CCNY: variants seen among roughly 807,000 people sequenced by gnomAD.
CCNY encodes cyclin Y.
In CCNY, 19 loss-of-function variants were observed where a neutral mutation model predicts 42.8. The ratio of observed to expected loss-of-function variants is 0.44; its 90% CI spans 0.31 to 0.65. The LOEUF is 0.65. Among genes scored for constraint, CCNY ranks in the 30% least tolerant of loss-of-function variants. The probability of loss-of-function intolerance (pLI) is 0.07; values close to 1 mark genes in which losing one functional copy is unlikely to be tolerated. For missense variants in CCNY, 370 were observed against 437.3 expected (o/e 0.85, Z 1.37); for synonymous variants, 165 against 162.7 (o/e 1.01, Z -0.11).
rs547287322 is a variant in CCNY, at chr10:35,361,005, C to T, written c.154+23798C>T. On this transcript the variant is annotated intron_variant, in intron 1 of 9. Coordinates refer to ENST00000374704, the MANE Select transcript of CCNY (RefSeq NM_145012.6). ...CCTCATGAGTAGCTGAGATTACAGA[C>T]GCCCACCACCATGCCCAGCTAATTT... Among the ~76,000 whole-genome samples, 180 of 152,194 alleles carry T rather than the reference C, an allele frequency of 1.2e-3. 1 individual carries two copies. The highest frequency in any genetic ancestry group is 2.0e-3 in the Non-Finnish European group (135 of 68,010).
intron 3 of CCNY, among the ~76,000 whole-genome samples, chr10:35,292,404 C>T (rs1297491435): frequency 1.3e-5 from 2 of 152,188 alleles, no homozygotes; most frequent in African/African-American, 4.8e-5. Flanking sequence ...ACTCTTGTCG[C>T]CCAGGCTGGA....
chr10:35,372,290 G>A (rs1836954068), intron 1 of CCNY, among the ~76,000 whole-genome samples: 1 of 152,162 alleles, frequency 6.6e-6, no homozygotes, highest in African/African-American at 2.4e-5. Flanking sequence ...TTTTTCTGTC[G>A]ATTGGGAGAG....
intron 1 of CCNY, among the ~76,000 whole-genome samples, chr10:35,460,136 C>T (rs1306275827): frequency 6.6e-6 from 1 of 152,152 alleles, no homozygotes; most frequent in Admixed American, 6.5e-5. Flanking sequence ...TCAGGTAGAG[C>T]TCCCTGATAT....
At chr10:35,449,569 C>T (rs573726655) in intron 1 of CCNY, among the ~76,000 whole-genome samples, 4 of 146,344 alleles carry the variant, frequency 2.7e-5, no homozygotes, top group African/African-American at 7.5e-5. Flanking sequence ...AGCTGTAGTT[C>T]GGTTTTTGGA....
At chr10:35,476,048 A>G (rs1000156538) in intron 1 of CCNY, among the ~76,000 whole-genome samples, 1 of 152,256 alleles carries the variant, frequency 6.6e-6, no homozygotes, top group African/African-American at 2.4e-5. Flanking sequence ...AGGCCATTAC[A>G]TAATGGTAAA....
intron 1 of CCNY, among the ~76,000 whole-genome samples, chr10:35,350,548 GT>G (rs944055374): frequency 2.0e-5 from 3 of 152,174 alleles, no homozygotes; most frequent in Non-Finnish European, 4.4e-5. Flanking sequence ...TTTGTGGACT[GT>G]TTGAAATCTC....
chr10:35,295,421 AG>A (rs1361291552), intron 3 of CCNY, among the ~76,000 whole-genome samples: 1 of 151,852 alleles, frequency 6.6e-6, no homozygotes, highest in Non-Finnish European at 1.5e-5. Context: ...TAGCAGAGAC[AG>A]GGTTTCTCCA....
intron 2 of CCNY, among the ~76,000 whole-genome samples, chr10:35,483,881 G>A (rs1234090353): frequency 1.3e-5 from 2 of 152,182 alleles, no homozygotes; most frequent in Non-Finnish European, 2.9e-5. Flanking sequence ...TAGCTCTGTT[G>A]TGTCAGTTGA....
intron 3 of CCNY, among the ~76,000 whole-genome samples, chr10:35,252,138 G>T (rs1163944694): frequency 6.6e-6 from 1 of 152,036 alleles, no homozygotes; most frequent in African/African-American, 2.4e-5. Flanking sequence ...TTGCTTGAGG[G>T]CATTTATAGA....
chr10:35,343,983 C>G (rs544730051), intron 1 of CCNY, among the ~76,000 whole-genome samples: 91 of 152,262 alleles, frequency 6.0e-4, no homozygotes, highest in African/African-American at 2.1e-3. Context: ...GGGTAGGTCC[C>G]CAGCAATGAC....
At position 35,535,658 on chromosome 10, in the gene CCNY, G is replaced by A. The variant is rs962018781; in HGVS notation, c.579+5415G>A. On this transcript the variant is annotated intron_variant, in intron 7 of 9. Transcript: ENST00000374704. Reference sequence around the variant, plus strand: ...AAATGTGGTTAGGCCTGTGATGGTTGCATCTGTGCTGAACATGTACAGAAT... The same window carrying A: ...AAATGTGGTTAGGCCTGTGATGGTTACATCTGTGCTGAACATGTACAGAAT... Among the ~76,000 whole-genome samples, 4 of 152,178 alleles carry A rather than the reference G, an allele frequency of 2.6e-5. No homozygotes were observed. In the East Asian group the frequency reaches 7.7e-4, roughly 29 times the overall value.
At chr10:35,513,383 G>T (rs1323268528) in intron 3 of CCNY, among the ~76,000 whole-genome samples, 1 of 152,026 alleles carries the variant, frequency 6.6e-6, no homozygotes. Context: ...TTTCTAAATT[G>T]TTTATAGGGT....
intron 1 of CCNY, among the ~76,000 whole-genome samples, chr10:35,470,930 G>C (rs1375067055): frequency 6.6e-6 from 1 of 152,246 alleles, no homozygotes; most frequent in Non-Finnish European, 1.5e-5. Context: ...ATCATAGCCA[G>C]ATTTGGAAAT....
chr10:35,292,720 T>C (rs1475156767), intron 3 of CCNY, among the ~76,000 whole-genome samples: 2 of 151,978 alleles, frequency 1.3e-5, no homozygotes, highest in Non-Finnish European at 2.9e-5. Flanking sequence ...TTGCCTCTGC[T>C]TTCAGCATCG....
intron 1 of CCNY, among the ~76,000 whole-genome samples, chr10:35,468,809 C>G (rs553066510): frequency 4.6e-5 from 7 of 152,250 alleles, no homozygotes; most frequent in Non-Finnish European, 1.5e-5. Flanking sequence ...AGTAGAATGT[C>G]AAAAACCACA....
chr10:35,301,103 C>T (rs745352429), intron 3 of CCNY, among the ~76,000 whole-genome samples: 3 of 152,142 alleles, frequency 2.0e-5, no homozygotes, highest in Middle Eastern at 3.4e-3. Flanking sequence ...CCACTGTGCC[C>T]GACTATTATA....
chr10:35,391,703 C>T lies in CCNY; in HGVS notation c.154+54496C>T, dbSNP rs751887652. ...TGATAGTACCTGCCTTACTGGATGG[C>T]GGCAAGGATAGACAAGCTCATGCTT... On this transcript the variant is annotated intron_variant, in intron 1 of 9. Coordinates refer to ENST00000374704, the MANE Select transcript of CCNY (RefSeq NM_145012.6). 3.9e-5 allele frequency among the ~76,000 whole-genome samples: 6 copies of T among 152,230 alleles called. No homozygotes were observed. In the South Asian group the frequency reaches 6.2e-4, roughly 16 times the overall value.
intron 1 of CCNY, among the ~76,000 whole-genome samples, chr10:35,473,920 C>T (rs560781061): frequency 2.0e-5 from 3 of 152,164 alleles, no homozygotes; most frequent in South Asian, 4.2e-4. Flanking sequence ...AGACAGTGAG[C>T]GCAGGTCAGT....
At chr10:35,497,721 C>G (rs1212797073) in intron 2 of CCNY, among the ~76,000 whole-genome samples, 1 of 128,636 alleles carries the variant, frequency 7.8e-6, no homozygotes, top group South Asian at 2.5e-4. Flanking sequence ...AGCGAGACTC[C>G]GTCTCAAAAA....
Sources: allele counts gnomAD v4.1 joint callset (sites outside exome capture counted in the v4.1 genomes callset), GRCh38; gene constraint gnomAD v4.1.1; transcripts MANE v1.5; gene names NCBI Gene and HGNC (gene_info 2026-07-23, HGNC 2026-07-21).